The following IFT52 variants were observed in gnomAD, a reference collection of about 807,000 sequenced individuals.
IFT52 encodes the protein intraflagellar transport protein 52 homolog.
IFT52 carries 44 observed loss-of-function variants against 54.4 expected under a neutral mutation model. The observed-to-expected ratio is 0.81, with a 90% confidence interval of 0.63 to 1.04. The LOEUF (loss-of-function observed/expected upper bound fraction) is 1.04, where lower values mean the gene tolerates loss of function less well. Ranked by LOEUF, IFT52 falls within the 50% of genes least tolerant of loss-of-function variation. The probability of loss-of-function intolerance (pLI) is 0.00; values close to 1 mark genes in which losing one functional copy is unlikely to be tolerated. For synonymous variants in IFT52, 181 were observed against 185.3 expected, an observed-to-expected ratio of 0.98 and a Z score of 0.19; for missense variants, 452 against 523.6, an observed-to-expected ratio of 0.86 and a Z score of 1.33.
At chr20:43,624,109 G>C in intron 10 of IFT52, 64 bp downstream of exon 10, 1 of 1,524,236 alleles carries the variant, frequency 6.6e-7, no homozygotes, top group Non-Finnish European at 9.0e-7. Flanking sequence ...TTGGAAACAT[G>C]AACCTGGGAA....
chr20:43,620,350 A>G (rs1984196018), intron 8 of IFT52, among the ~76,000 whole-genome samples: 1 of 152,252 alleles, frequency 6.6e-6, no homozygotes, highest in Admixed American at 6.5e-5. Flanking sequence ...ATACATTATA[A>G]ATTTCTGATA....
chr20:43,609,977 T>A (rs1983295835), intron 6 of IFT52, among the ~76,000 whole-genome samples: 1 of 149,834 alleles, frequency 6.7e-6, no homozygotes, highest in African/African-American at 2.5e-5. Context: ...TAAATTAAAT[T>A]AAATTAAATT....
chr20:43,620,283 A>G (rs1984191574), intron 8 of IFT52, among the ~76,000 whole-genome samples: 6 of 152,180 alleles, frequency 3.9e-5, no homozygotes, highest in South Asian at 4.1e-4. Flanking sequence ...TTAATTCAGG[A>G]TTGTGAACAA....
At chr20:43,633,160 A>G (rs2145661755) in intron 10 of IFT52, among the ~76,000 whole-genome samples, 1 of 151,952 alleles carries the variant, frequency 6.6e-6, no homozygotes, top group Admixed American at 6.6e-5. Flanking sequence ...CCTGACCAAC[A>G]TAGAGAACCC....
intron 13 of IFT52, among the ~76,000 whole-genome samples, chr20:43,646,711 G>T (rs1986223411): frequency 6.6e-6 from 1 of 152,140 alleles, no homozygotes; most frequent in Non-Finnish European, 1.5e-5. Context: ...AACTCTGTTT[G>T]TTACTCATCA....
At chr20:43,620,081 T>C (rs904081405) in intron 8 of IFT52, among the ~76,000 whole-genome samples, 2 of 151,854 alleles carry the variant, frequency 1.3e-5, no homozygotes, top group African/African-American at 4.8e-5. Context: ...CACACCAGGC[T>C]AATTTTTGTA....
At chr20:43,594,634 C>G in intron 1 of IFT52, 59 bp from the exon 2 acceptor site, 1 of 944,232 alleles carries the variant, frequency 1.1e-6, no homozygotes. Context: ...CTATTTATTA[C>G]TTTTAGGGTC....
intron 6 of IFT52, among the ~76,000 whole-genome samples, chr20:43,607,058 C>A (rs1306059108): frequency 2.0e-5 from 3 of 152,274 alleles, no homozygotes; most frequent in African/African-American, 7.2e-5. Flanking sequence ...TTCCACAAAA[C>A]CGCCATTGTC....
chr20:43,639,773 A>G, intron 12 of IFT52, among the ~76,000 whole-genome samples: 1 of 151,982 alleles, frequency 6.6e-6, no homozygotes, highest in Non-Finnish European at 1.5e-5. Context: ...CAAGAGTTGG[A>G]GGCTGCAGTG....
intron 10 of IFT52, among the ~76,000 whole-genome samples, chr20:43,631,068 C>T (rs1393365154): frequency 2.0e-5 from 3 of 152,188 alleles, no homozygotes; most frequent in African/African-American, 7.2e-5. Flanking sequence ...TGCCCCTAAT[C>T]ACTTTTGATT....
rs426197 is a variant in IFT52 at position 43,642,734 on chromosome 20, T to G, written c.1266+110T>G. ...GTTGATTCAGCCTGTAAATATTTAT[T>G]AAGCATCTACTAGGTGAACAAAACA... On this transcript the variant is annotated intron_variant, in intron 13 of 13. Transcript: ENST00000373030. 856,488 of 1,087,586 alleles carry G rather than the reference T, an allele frequency of 0.79. 338,393 individuals carry two copies. Among genetic ancestry groups the G allele is most frequent in the Middle Eastern group, 0.81 (3,779 of 4,672 alleles). 67.4% of individuals were successfully genotyped at this position (1,087,586 alleles called of 1,614,324 possible).
chr20:43,617,832 C>T (rs2145629276), intron 7 of IFT52, among the ~76,000 whole-genome samples: 1 of 152,150 alleles, frequency 6.6e-6, no homozygotes, highest in East Asian at 1.9e-4. Context: ...AACCTCGCCT[C>T]CCAGGTTCAA....
chr20:43,591,989 AG>A (rs1981562338), intron 1 of IFT52, among the ~76,000 whole-genome samples: 1 of 152,256 alleles, frequency 6.6e-6, no homozygotes, highest in Admixed American at 6.5e-5. Context: ...TATATAGGCG[AG>A]GTGGTACTGT....
chr20:43,620,930 A>G lies in IFT52; in HGVS notation c.768+5A>G, dbSNP rs2145635398. 4 of 1,605,180 alleles carry G rather than the reference A, an allele frequency of 2.5e-6. No individual in the cohort carries two copies. Among genetic ancestry groups the G allele is most frequent in the Non-Finnish European group, 3.4e-6 (4 of 1,173,672 alleles). ...ATTGATGCTGAGGACCCAGAGGTAGACACCGAATTATTAGAAACTTTTAAA... is the reference window on the plus strand; with the variant it reads ...ATTGATGCTGAGGACCCAGAGGTAGGCACCGAATTATTAGAAACTTTTAAA... On this transcript the variant is annotated splice_donor_5th_base_variant and intron_variant, in intron 9 of 13. Coordinates refer to ENST00000373030, the MANE Select transcript of IFT52 (RefSeq NM_016004.5).
chr20:43,647,096 C>A lies in IFT52; in HGVS notation c.*113C>A. ...GTTTATACACTCTTTCCTCCATGAG[C>A]TCTGGAAGGTATATGCATCTTCTGT... is the stretch of plus-strand genomic sequence containing the variant. On this transcript the variant is annotated 3_prime_UTR_variant, in exon 14 of 14. Coordinates refer to ENST00000373030, the MANE Select transcript of IFT52 (RefSeq NM_016004.5). 1 of 921,466 alleles carries A rather than the reference C, an allele frequency of 1.1e-6. No homozygotes were observed. Among genetic ancestry groups the A allele is most frequent in the Non-Finnish European group, 1.8e-6 (1 of 560,596 alleles). The allele number at this position is 921,466 out of a possible 1,614,324, so 57.1% of individuals were successfully genotyped here. A position where few individuals can be genotyped will look rare whatever the true frequency, so the allele number is the denominator to read the frequency against.
intron 6 of IFT52, among the ~76,000 whole-genome samples, chr20:43,612,529 C>G (rs1983537126): frequency 6.6e-6 from 1 of 151,636 alleles, no homozygotes; most frequent in South Asian, 2.1e-4. Flanking sequence ...CCCGTTTCTA[C>G]AAAAAATATA....
intron 13 of IFT52, 22 bp from the exon 14 acceptor site, chr20:43,646,914 T>C: frequency 1.2e-6 from 2 of 1,602,026 alleles, no homozygotes; most frequent in Non-Finnish European, 1.7e-6. Context: ...ACTAAAATTC[T>C]GTGTCTTATT....
In IFT52 at chr20:43,624,548, G is replaced by A. The variant is rs368341906; in HGVS notation, c.923+503G>A. 7.9e-4 allele frequency among the ~76,000 whole-genome samples: 120 copies of A among 152,294 alleles called. 1 individual carries two copies. The South Asian group carries it at 0.023, about 29-fold the overall frequency. ...TAAAGATGAAAAGATCTGTAAAGCC[G>A]TTAGGGAAGCCGTGGGATGGGATGA... On this transcript the variant is annotated intron_variant, in intron 10 of 13. Coordinates refer to ENST00000373030, the MANE Select transcript of IFT52 (RefSeq NM_016004.5).
At chr20:43,619,048 A>G (rs1568759096) in intron 8 of IFT52, 22 bp downstream of exon 8, 7 of 1,450,210 alleles carry the variant, frequency 4.8e-6, no homozygotes, top group Non-Finnish European at 6.8e-6. Context: ...CTTTTGTCAT[A>G]TTAATATACA....
Sources: allele counts gnomAD v4.1 joint callset (sites outside exome capture counted in the v4.1 genomes callset), GRCh38; gene constraint gnomAD v4.1.1; transcripts MANE v1.5; gene names NCBI Gene and HGNC (gene_info 2026-07-23, HGNC 2026-07-21).